The following CPA6 variants were observed in gnomAD, a reference collection of about 807,000 sequenced individuals.
CPA6 encodes the protein carboxypeptidase A6.
In CPA6, 58 loss-of-function variants were observed where a neutral mutation model predicts 63.3. That is an observed-to-expected ratio of 0.92 (90% confidence interval 0.74 to 1.14). The LOEUF (loss-of-function observed/expected upper bound fraction) is 1.14, where lower values mean the gene tolerates loss of function less well. Among genes scored for constraint, CPA6 ranks in the 50% most tolerant of loss-of-function variants. The pLI is 0.00. For missense variants in CPA6, 565 were observed against 526.6 expected (o/e 1.07, Z -0.71); for synonymous variants, 185 against 179.0 (o/e 1.03, Z -0.27).
intron 2 of CPA6, among the ~76,000 whole-genome samples, chr8:67,586,336 T>C (rs968204792): frequency 2.0e-5 from 3 of 152,052 alleles, no homozygotes; most frequent in East Asian, 1.9e-4. Flanking sequence ...ACAGGTGAAG[T>C]CCATATAGAG....
chr8:67,443,909 G>A (rs1810352134), intron 8 of CPA6, among the ~76,000 whole-genome samples: 1 of 152,070 alleles, frequency 6.6e-6, no homozygotes, highest in Admixed American at 6.5e-5. Flanking sequence ...ATTGGACTTG[G>A]TGACTGGTTG....
intron 1 of CPA6, among the ~76,000 whole-genome samples, chr8:67,711,619 A>T (rs1353366478): frequency 6.6e-6 from 1 of 151,310 alleles, no homozygotes. Context: ...CCCCAAGGGC[A>T]GTGTGTATAT....
chr8:67,591,805 C>G (rs1358023035), intron 2 of CPA6, among the ~76,000 whole-genome samples: 1 of 152,178 alleles, frequency 6.6e-6, no homozygotes. Context: ...ATGGGGTTTT[C>G]TAGTTATACT....
chr8:67,631,540 A>T (rs191402430), intron 1 of CPA6, among the ~76,000 whole-genome samples: 105 of 151,832 alleles, frequency 6.9e-4, no homozygotes, highest in African/African-American at 2.1e-3. Flanking sequence ...AAACGGACCA[A>T]TCAGCTCTCT....
At chr8:67,466,084 G>GTTTTT (rs561313512) in intron 8 of CPA6, among the ~76,000 whole-genome samples, 2 of 96,076 alleles carry the variant, frequency 2.1e-5, no homozygotes, top group Non-Finnish European at 2.2e-5. Flanking sequence ...TCTGAGGCTT[G>GTTTTT]TTTTTTTTTT....
intron 1 of CPA6, among the ~76,000 whole-genome samples, chr8:67,643,550 T>C (rs1815642607): frequency 6.6e-6 from 1 of 152,120 alleles, no homozygotes; most frequent in South Asian, 2.1e-4. Flanking sequence ...ATGGTAGTTT[T>C]TTTTTTAAAT....
intron 1 of CPA6, among the ~76,000 whole-genome samples, chr8:67,661,920 T>C (rs1241483055): frequency 6.6e-6 from 1 of 152,202 alleles, no homozygotes; most frequent in African/African-American, 2.4e-5. Context: ...GGTTCATCCA[T>C]GTTGTAGCAT....
chr8:67,482,998 G>A (rs1180383487), intron 8 of CPA6, among the ~76,000 whole-genome samples: 1 of 152,168 alleles, frequency 6.6e-6, no homozygotes, highest in Non-Finnish European at 1.5e-5. Flanking sequence ...TGTAGAATGA[G>A]TGAATGTGGA....
At chr8:67,518,820 C>T (rs1298887918) in intron 2 of CPA6, among the ~76,000 whole-genome samples, 1 of 152,042 alleles carries the variant, frequency 6.6e-6, no homozygotes. Flanking sequence ...CTAGATGGAC[C>T]ATTCTCTAGG....
intron 6 of CPA6, among the ~76,000 whole-genome samples, chr8:67,490,834 G>A (rs765865522): frequency 1.4e-5 from 2 of 147,902 alleles, no homozygotes; most frequent in African/African-American, 4.9e-5. Flanking sequence ...CAATGCTTTC[G>A]GATTTACGTG....
intron 2 of CPA6, among the ~76,000 whole-genome samples, chr8:67,588,346 T>A (rs964700932): frequency 2.0e-5 from 3 of 152,238 alleles, no homozygotes; most frequent in Admixed American, 6.5e-5. Flanking sequence ...TGATTAATAC[T>A]ACTGCGGGTA....
At chr8:67,645,252 A>G (rs1334106211) in intron 1 of CPA6, among the ~76,000 whole-genome samples, 1 of 152,232 alleles carries the variant, frequency 6.6e-6, no homozygotes, top group African/African-American at 2.4e-5. Context: ...ATATTCAAAT[A>G]TATCATGTTG....
intron 1 of CPA6, among the ~76,000 whole-genome samples, chr8:67,652,565 C>T (rs1191641335): frequency 2.6e-5 from 4 of 151,234 alleles, no homozygotes; most frequent in East Asian, 1.9e-4. Context: ...CTGTTCATAT[C>T]CTTTGCCCAC....
intron 2 of CPA6, among the ~76,000 whole-genome samples, chr8:67,598,758 G>A (rs1173579867): frequency 6.6e-6 from 1 of 152,046 alleles, no homozygotes; most frequent in Non-Finnish European, 1.5e-5. Flanking sequence ...TAACTTTTAT[G>A]TCTAAACAAA....
At chr8:67,733,846 CTTTTTTTTTTTT>C (rs10696053) in intron 1 of CPA6, among the ~76,000 whole-genome samples, 1 of 94,930 alleles carries the variant, frequency 1.1e-5, no homozygotes, top group African/African-American at 3.8e-5. Context: ...GCTGCATCGT[CTTTTTTTTTTTT>C]TTTTTTTTTT....
chr8:67,588,724 C>T (rs1448320875), intron 2 of CPA6, among the ~76,000 whole-genome samples: 2 of 152,138 alleles, frequency 1.3e-5, no homozygotes, highest in South Asian at 2.1e-4. Context: ...AAAATGAGAG[C>T]ACTTTGCTGA....
At chr8:67,631,800 G>A (rs973349887) in intron 1 of CPA6, among the ~76,000 whole-genome samples, 2 of 152,106 alleles carry the variant, frequency 1.3e-5, no homozygotes, top group African/African-American at 4.8e-5. Flanking sequence ...TGTGGCCAGC[G>A]AGATCATGAA....
rs113189648 is a variant in CPA6 at position 67,508,441 on chromosome 8, G to A, written c.534+1076C>T. Among the ~76,000 whole-genome samples, 6 of 152,140 alleles carry A rather than the reference G, an allele frequency of 3.9e-5. 1 individual carries two copies. Among genetic ancestry groups the A allele is most frequent in the African/African-American group, 1.4e-4 (6 of 41,520 alleles). Reference sequence around the variant, plus strand: ...GGGTGAATTTAAGGTTCCAGAGGGTGGACTGCAATGGATACAGAGGTCTGG... The same window carrying A: ...GGGTGAATTTAAGGTTCCAGAGGGTAGACTGCAATGGATACAGAGGTCTGG... On this transcript the variant is annotated intron_variant, in intron 5 of 10. Coordinates refer to ENST00000297770, the MANE Select transcript of CPA6 (RefSeq NM_020361.5).
chr8:67,570,593 G>A lies in CPA6; in HGVS notation c.193-52546C>T, dbSNP rs138512045. Among the ~76,000 whole-genome samples, 644 of 152,290 alleles carry A rather than the reference G, an allele frequency of 4.2e-3. 3 individuals carry two copies. The highest frequency in any genetic ancestry group is 0.014 in the African/African-American group (599 of 41,568). Reference sequence around the variant, plus strand: ...GGGAGGGGAGTAAAAGTTTAGAGTTGTACGCAATAAAAGTTAAGCTGTTAC... The same window carrying A: ...GGGAGGGGAGTAAAAGTTTAGAGTTATACGCAATAAAAGTTAAGCTGTTAC... On this transcript the variant is annotated intron_variant, in intron 2 of 10. Coordinates refer to ENST00000297770, the MANE Select transcript of CPA6 (RefSeq NM_020361.5).
Sources: gnomAD v4.1 joint callset for allele counts (sites outside exome capture counted in the v4.1 genomes callset) on GRCh38, gnomAD v4.1.1 for gene constraint, MANE v1.5 for transcripts, NCBI Gene and HGNC (gene_info 2026-07-23, HGNC 2026-07-21) for gene names.